FAM98B: variants seen among roughly 807,000 people sequenced by gnomAD.
FAM98B encodes tRNA splicing ligase complex subunit 3B.
Under a neutral mutation model 43.9 loss-of-function variants are expected in FAM98B, and 32 were observed. The ratio of observed to expected loss-of-function variants is 0.73; its 90% CI spans 0.55 to 0.98. The LOEUF is 0.98. FAM98B is among the 50% of genes least tolerant of loss of function. The probability of loss-of-function intolerance (pLI) is 0.00; values close to 1 mark genes in which losing one functional copy is unlikely to be tolerated. For synonymous variants in FAM98B, 190 were observed against 174.0 expected, an observed-to-expected ratio of 1.09 and a Z score of -0.72; for missense variants, 514 against 522.9, an observed-to-expected ratio of 0.98 and a Z score of 0.17.
chr15:38,476,531 C>G (rs1298900836), intron 6 of FAM98B, among the ~76,000 whole-genome samples: 2 of 148,952 alleles, frequency 1.3e-5, no homozygotes. Context: ...CCCTCATTTT[C>G]TCTCTCCTTT....
chr15:38,466,000 T>C (rs1027724157), intron 3 of FAM98B, among the ~76,000 whole-genome samples: 2 of 152,192 alleles, frequency 1.3e-5, no homozygotes, highest in African/African-American at 4.8e-5. Flanking sequence ...TTTTTTACTT[T>C]AGGCTAATTT....
At position 38,487,470 on chromosome 15, in the gene FAM98B, G is replaced by T. The variant is rs1475609681; in HGVS notation, c.*2811G>T. On this transcript the variant is annotated 3_prime_UTR_variant, in exon 8 of 8. Transcript: ENST00000397609. ...TCTTGCCTTCAGGATCAGGCTGTCA[G>T]TGTGACTTTATTACTTTGTATGAAG... 3 of 152,082 alleles carry T rather than the reference G, an allele frequency of 2.0e-5. No homozygotes were observed. Among genetic ancestry groups the T allele is most frequent in the African/African-American group, 7.2e-5 (3 of 41,420 alleles). The allele number at this position is 152,082 out of a possible 1,614,324, so 9.4% of individuals were successfully genotyped here.
rs1890336666 is a variant in FAM98B, at chr15:38,484,461, TGGTGGGGGAGGGGGAGGAG to T, written c.1113_1131del (p.Gly372GlufsTer62). On this transcript the variant is annotated frameshift_variant, in exon 8 of 8. Transcript: ENST00000397609. LOFTEE classifies it low-confidence loss of function (END_TRUNC). The stretch of plus-strand genomic sequence containing the variant: ...GGGGTGGAGGAGGAGGTTGGGGAGG[TGGTGGGGGAGGGGGAGGAG>T]GGTGGGGGGGAGGAGGAGGAGGTGG... 6 of 258,792 alleles carry T rather than the reference TGGTGGGGGAGGGGGAGGAG, an allele frequency of 2.3e-5. No individual in the cohort carries two copies. The highest frequency in any genetic ancestry group is 4.4e-6 in the Non-Finnish European group (1 of 228,560). The allele number at this position is 258,792 out of a possible 1,614,324, so 16.0% of individuals were successfully genotyped here.
intron 1 of FAM98B, among the ~76,000 whole-genome samples, chr15:38,462,095 CTA>C (rs1462740924): frequency 2.6e-5 from 4 of 152,092 alleles, no homozygotes; most frequent in Non-Finnish European, 4.4e-5. Context: ...TGGTTGAATA[CTA>C]TGTCTAAATA....
At chr15:38,458,003 ACAGAAAT>A (rs1050845112) in intron 1 of FAM98B, among the ~76,000 whole-genome samples, 1 of 151,842 alleles carries the variant, frequency 6.6e-6, no homozygotes, top group Non-Finnish European at 1.5e-5. Flanking sequence ...AGTCAAAAGA[ACAGAAAT>A]CAGTAATCTG....
At chr15:38,481,655 C>G in intron 7 of FAM98B, 196 bp downstream of exon 7, 1 of 1,451,362 alleles carries the variant, frequency 6.9e-7, no homozygotes, top group East Asian at 2.3e-5. Flanking sequence ...ATTCATAAAT[C>G]AAAGTATTTT....
At chr15:38,475,598 C>T (rs1277437469) in intron 6 of FAM98B, among the ~76,000 whole-genome samples, 3 of 152,172 alleles carry the variant, frequency 2.0e-5, no homozygotes, top group Non-Finnish European at 2.9e-5. Flanking sequence ...TCTCTCTCTG[C>T]TTCCATTGTC....
In FAM98B at chr15:38,483,547, T is replaced by G. The variant is rs1471056991; in HGVS notation, c.898-708T>G. On this transcript the variant is annotated intron_variant, in intron 7 of 7. Transcript: ENST00000397609. ...TGGGCGTGGTGGCGGGTGCCTGTAG[T>G]CCCAACTACTCGGGGGGCTGAGGCA... The G allele has an allele frequency of 2.7e-5, 4 of 150,284 alleles. No individual in the cohort carries two copies. The Admixed American group carries it at 2.7e-4, about 10-fold the overall frequency. 9.3% of individuals were successfully genotyped at this position (150,284 alleles called of 1,614,324 possible).
At chr15:38,464,656 A>T (rs918323795) in intron 2 of FAM98B, among the ~76,000 whole-genome samples, 3 of 152,180 alleles carry the variant, frequency 2.0e-5, no homozygotes, top group Non-Finnish European at 4.4e-5. Flanking sequence ...GTTCATTACC[A>T]TCTTAGTAAC....
chr15:38,459,383 A>G, intron 1 of FAM98B: 1 of 406,176 alleles, frequency 2.5e-6, no homozygotes, highest in South Asian at 1.9e-5. Flanking sequence ...TCAGTGGAAG[A>G]GCTTGACTGG....
chr15:38,457,566 G>T (rs1889867375), intron 1 of FAM98B, among the ~76,000 whole-genome samples: 2 of 152,172 alleles, frequency 1.3e-5, no homozygotes, highest in South Asian at 2.1e-4. Context: ...GATTTTGGAG[G>T]TGCAGTGGTT....
Position 38,464,001 on chromosome 15 carries a change from T to G in FAM98B, c.72-31T>G, listed in dbSNP as rs745564168. On this transcript the variant is annotated intron_variant, in intron 1 of 7. Coordinates refer to ENST00000397609, the MANE Select transcript of FAM98B (RefSeq NM_173611.4). ...GGTTTTTTTGTTTGATTGGCTTATT[T>G]AGTTTTTAACTTGTATTTCTTCCTT... The G allele has an allele frequency of 1.9e-6, 3 of 1,565,356 alleles. No homozygotes were observed. In the East Asian group the frequency reaches 6.8e-5, roughly 36 times the overall value.
At chr15:38,473,290 G>A (rs996619550) in intron 4 of FAM98B, among the ~76,000 whole-genome samples, 2 of 152,122 alleles carry the variant, frequency 1.3e-5, no homozygotes, top group Non-Finnish European at 2.9e-5. Flanking sequence ...TTCTTACGCT[G>A]GGAAAGAATG....
Position 38,485,029 on chromosome 15 carries a change from CAT to C in FAM98B, c.*374_*375del, listed in dbSNP as rs1349570171. 5.8e-6 allele frequency: 1 copy of C among 171,498 alleles called. No individual in the cohort carries two copies. The highest frequency in any genetic ancestry group is 2.4e-5 in the African/African-American group (1 of 41,736). The allele number at this position is 171,498 out of a possible 1,614,324, so 10.6% of individuals were successfully genotyped here. ...ACCTGTATTTTGTTCAGGTTTGAGACATATAAAAGACCCCACCTGTAATAGAA... is the reference window on the plus strand; with the variant it reads ...ACCTGTATTTTGTTCAGGTTTGAGACATAAAAGACCCCACCTGTAATAGAA... On this transcript the variant is annotated 3_prime_UTR_variant, in exon 8 of 8. Transcript: ENST00000397609.
intron 2 of FAM98B, among the ~76,000 whole-genome samples, 179 bp from the exon 3 acceptor site, chr15:38,465,090 T>C (rs1427556298): frequency 6.6e-6 from 1 of 152,252 alleles, no homozygotes; most frequent in East Asian, 1.9e-4. Context: ...TTAATAATTA[T>C]AGCCATAATA....
Position 38,486,556 on chromosome 15 carries a change from A to G in FAM98B, c.*1897A>G, listed in dbSNP as rs1394696429. ...TATCAGTTTCATTAGATTTTCCATAAGATTTCTTTGTACCTTTATAGGAGT... is the reference window on the plus strand; with the variant it reads ...TATCAGTTTCATTAGATTTTCCATAGGATTTCTTTGTACCTTTATAGGAGT... On this transcript the variant is annotated 3_prime_UTR_variant, in exon 8 of 8. Coordinates refer to ENST00000397609, the MANE Select transcript of FAM98B (RefSeq NM_173611.4). The G allele has an allele frequency of 6.6e-6, 1 of 152,158 alleles. No homozygotes were observed. The highest frequency in any genetic ancestry group is 1.5e-5 in the Non-Finnish European group (1 of 68,002). 9.4% of individuals were successfully genotyped at this position (152,158 alleles called of 1,614,324 possible).
At chr15:38,471,962 A>T (rs1457529498) in intron 4 of FAM98B, among the ~76,000 whole-genome samples, 1 of 152,170 alleles carries the variant, frequency 6.6e-6, no homozygotes, top group Non-Finnish European at 1.5e-5. Flanking sequence ...ACCCGTGGTT[A>T]TGGGTAATAC....
At position 38,485,750 on chromosome 15, in the gene FAM98B, A is replaced by G. The variant is rs772637567; in HGVS notation, c.*1091A>G. 2.0e-5 allele frequency: 3 copies of G among 152,200 alleles called. No homozygotes were observed. The highest frequency in any genetic ancestry group is 4.4e-5 in the Non-Finnish European group (3 of 68,024). The allele number at this position is 152,200 out of a possible 1,614,324, so 9.4% of individuals were successfully genotyped here. ...AATGAGGAATGAGACACTTACCATC[A>G]TCTCAGGTTGTTTCTTAAAGACCTA... On this transcript the variant is annotated 3_prime_UTR_variant, in exon 8 of 8. Coordinates refer to ENST00000397609, the MANE Select transcript of FAM98B (RefSeq NM_173611.4).
intron 1 of FAM98B, among the ~76,000 whole-genome samples, chr15:38,461,991 A>G (rs1267859320): frequency 6.6e-6 from 1 of 152,182 alleles, no homozygotes; most frequent in Non-Finnish European, 1.5e-5. Context: ...CTATATTAAC[A>G]AAACACTGGA....
Sources: gnomAD v4.1 joint callset for allele counts (sites outside exome capture counted in the v4.1 genomes callset) on GRCh38, gnomAD v4.1.1 for gene constraint, MANE v1.5 for transcripts, NCBI Gene and HGNC (gene_info 2026-07-23, HGNC 2026-07-21) for gene names.